DNAJB4: variants seen among roughly 807,000 people sequenced by gnomAD.
DNAJB4 encodes the protein DnaJ heat shock protein family (Hsp40) member B4.
DNAJB4 carries 10 observed loss-of-function variants against 26.6 expected under a neutral mutation model. The observed-to-expected ratio is 0.38, with a 90% CI of 0.23 to 0.64. The LOEUF is 0.64. Ranked by LOEUF, DNAJB4 falls within the 30% of genes least tolerant of loss-of-function variation. The pLI, the probability that DNAJB4 is intolerant of heterozygous loss-of-function variation, is 0.58. For synonymous variants in DNAJB4, 136 were observed against 134.8 expected, an observed-to-expected ratio of 1.01 and a Z score of -0.06; for missense variants, 328 against 408.2, an observed-to-expected ratio of 0.80 and a Z score of 1.69.
At chr1:77,985,936 A>G (rs1659780491) in intron 1 of DNAJB4, among the ~76,000 whole-genome samples, 1 of 152,168 alleles carries the variant, frequency 6.6e-6, no homozygotes, top group Non-Finnish European at 1.5e-5. Context: ...CACTTTGCAG[A>G]GACTCCCTAT....
chr1:78,007,378 C>G (rs957984329), intron 1 of DNAJB4, among the ~76,000 whole-genome samples: 2 of 151,996 alleles, frequency 1.3e-5, no homozygotes, highest in African/African-American at 4.8e-5. Flanking sequence ...GTCAGGAGTT[C>G]GAGACCAGCC....
chr1:77,993,747 CAAA>C, intron 1 of DNAJB4, among the ~76,000 whole-genome samples: 1 of 152,236 alleles, frequency 6.6e-6, no homozygotes, highest in East Asian at 1.9e-4. Context: ...ACCTAGATAA[CAAA>C]AAGTTTATAT....
In DNAJB4 at chr1:78,013,392, A is replaced by C. The variant is rs890833008; in HGVS notation, c.553A>C (p.Arg185=). 1.2e-6 allele frequency: 2 copies of C among 1,614,080 alleles called. No homozygotes were observed. The highest frequency in any genetic ancestry group is 2.7e-5 in the African/African-American group (2 of 74,934). ...CTKRMKISRK[R]LNADGRSYRS... is the part of the protein sequence containing the mutation. Reference sequence around the variant, plus strand: ...CAAACGGATGAAGATTTCTCGAAAAAGGCTAAACGCTGATGGAAGGAGTTA... The same window carrying C: ...CAAACGGATGAAGATTTCTCGAAAACGGCTAAACGCTGATGGAAGGAGTTA... Residue 185 remains arginine, a synonymous_variant, in exon 2 of 3, where the codon AGG becomes CGG. Transcript: ENST00000370763.
upstream of DNAJB4, chr1:78,004,541 A>C (rs1272239745): frequency 1.3e-5 from 2 of 152,284 alleles, no homozygotes; most frequent in African/African-American, 4.8e-5. Flanking sequence ...ATAGCTTAAA[A>C]TTAAAAAATC....
chr1:77,997,625 A>G (rs1435314431), intron 1 of DNAJB4, among the ~76,000 whole-genome samples: 3 of 152,062 alleles, frequency 2.0e-5, no homozygotes, highest in African/African-American at 7.2e-5. Flanking sequence ...AATACATTTT[A>G]TGCTCTTTTG....
At chr1:77,998,896 A>C (rs546636934) in intron 1 of DNAJB4, among the ~76,000 whole-genome samples, 74 of 152,182 alleles carry the variant, frequency 4.9e-4, no homozygotes, top group Non-Finnish European at 8.2e-4. Context: ...GGCAACACAT[A>C]CACAATAAAT....
chr1:78,015,644 A>C (rs1970210), intron 2 of DNAJB4, among the ~76,000 whole-genome samples: 1 of 149,078 alleles, frequency 6.7e-6, no homozygotes, highest in Non-Finnish European at 1.5e-5. Context: ...CCGCCTGCTG[A>C]GTTCAAGTGA....
chr1:77,983,415 C>T (rs544102863), intron 1 of DNAJB4, among the ~76,000 whole-genome samples: 3 of 152,190 alleles, frequency 2.0e-5, no homozygotes, highest in African/African-American at 7.2e-5. Flanking sequence ...AGCACAGACC[C>T]TTTACGGGTG....
chr1:78,016,078 A>G lies in DNAJB4; in HGVS notation c.845A>G (p.Asn282Ser), dbSNP rs766549043. ...GGAAGAAACATACCTATGTCAGTAA[A>G]TGATATTGTGAAACCCGGAATGAGG... Reference protein sequence around the residue: ...LDGRNIPMSVNDIVKPGMRRR... With the variant: ...LDGRNIPMSVSDIVKPGMRRR... Residue 282 changes from asparagine to serine, a missense_variant, in exon 3 of 3, where the codon AAT becomes AGT. Physicochemically the swap from Asn to Ser is conservative, Grantham distance 46. Coordinates refer to ENST00000370763, the MANE Select transcript of DNAJB4 (RefSeq NM_007034.5). 3.7e-6 allele frequency: 6 copies of G among 1,614,126 alleles called. No individual in the cohort carries two copies. In the Admixed American group the frequency reaches 5.0e-5, roughly 13 times the overall value.
Position 77,994,984 on chromosome 1 carries a change from A to G in DNAJB4, c.-31-10096A>G, listed in dbSNP as rs536074849. Among the ~76,000 whole-genome samples the G allele has an allele frequency of 2.6e-5, 4 of 152,256 alleles. No homozygotes were observed. The South Asian group carries it at 6.2e-4, about 24-fold the overall frequency. ...CAGGCTGAGATTTCTGAAAAATTGGATTATAGTACTGCCGACTAGAAGGAA... is the reference window on the plus strand; with the variant it reads ...CAGGCTGAGATTTCTGAAAAATTGGGTTATAGTACTGCCGACTAGAAGGAA... On this transcript the variant is annotated intron_variant, in intron 1 of 2. Coordinates refer to the DNAJB4 transcript ENST00000426517.
intron 1 of DNAJB4, among the ~76,000 whole-genome samples, chr1:77,992,272 G>GCCTA (rs1271448620): frequency 3.3e-5 from 5 of 150,782 alleles, no homozygotes; most frequent in African/African-American, 1.2e-4. Flanking sequence ...AATTAGCCGG[G>GCCTA]CGTAGTGGCG....
intron 1 of DNAJB4, among the ~76,000 whole-genome samples, chr1:78,005,887 T>C (rs1005728992): frequency 2.6e-5 from 4 of 152,238 alleles, no homozygotes; most frequent in African/African-American, 9.6e-5. Flanking sequence ...ATTTAGCTTC[T>C]AGTTGTTTTT....
chr1:78,007,737 G>T (rs918595911), intron 1 of DNAJB4, among the ~76,000 whole-genome samples: 2 of 152,286 alleles, frequency 1.3e-5, no homozygotes, highest in Admixed American at 6.5e-5. Context: ...TAGATACACT[G>T]TGAAAGTAGG....
intron 1 of DNAJB4, among the ~76,000 whole-genome samples, chr1:77,983,946 T>C (rs1361754862): frequency 2.6e-5 from 4 of 152,234 alleles, no homozygotes; most frequent in Non-Finnish European, 4.4e-5. Flanking sequence ...TTTCTAGTTA[T>C]GGGTATATAG....
chr1:77,995,610 A>C lies in DNAJB4; in HGVS notation c.-31-9470A>C, dbSNP rs539502387. Among the ~76,000 whole-genome samples, 7 of 152,132 alleles carry C rather than the reference A, an allele frequency of 4.6e-5. No homozygotes were observed. The South Asian group carries it at 1.2e-3, about 27-fold the overall frequency. ...TAGGACTACAGGTGCATGCCACTACATCTGGCTAATCTGTTTTATTTTTTG... is the reference window on the plus strand; with the variant it reads ...TAGGACTACAGGTGCATGCCACTACCTCTGGCTAATCTGTTTTATTTTTTG... On this transcript the variant is annotated intron_variant, in intron 1 of 2. Transcript: ENST00000426517.
At chr1:78,000,739 T>G (rs1660170023), upstream of DNAJB4, among the ~76,000 whole-genome samples, 1 of 152,020 alleles carries the variant, frequency 6.6e-6, no homozygotes, top group African/African-American at 2.4e-5. Context: ...AATCCAGCAC[T>G]TTGGGAGGCC....
At chr1:78,011,288 C>T (rs553807403) in intron 1 of DNAJB4, among the ~76,000 whole-genome samples, 1 of 152,186 alleles carries the variant, frequency 6.6e-6, no homozygotes, top group South Asian at 2.1e-4. Context: ...CATATAGAGG[C>T]CTTACGTGTC....
intron 1 of DNAJB4, among the ~76,000 whole-genome samples, chr1:77,995,954 A>C (rs1294552705): frequency 6.6e-6 from 1 of 152,160 alleles, no homozygotes; most frequent in Non-Finnish European, 1.5e-5. Flanking sequence ...TCAAAAAACA[A>C]AACAAAACAA....
intron 1 of DNAJB4, chr1:77,981,105 T>C (rs1659623880): frequency 6.6e-6 from 1 of 152,160 alleles, no homozygotes; most frequent in Non-Finnish European, 1.5e-5. Flanking sequence ...AACAAATTTA[T>C]GTATATCTCA....
Sources: allele counts gnomAD v4.1 joint callset (sites outside exome capture counted in the v4.1 genomes callset), GRCh38; gene constraint gnomAD v4.1.1; transcripts MANE v1.5; gene names NCBI Gene and HGNC (gene_info 2026-07-23, HGNC 2026-07-21).